AGAP1: variants seen among roughly 807,000 people sequenced by gnomAD.
AGAP1 encodes the protein arf-GAP with GTPase, ANK repeat and PH domain-containing protein 1.
In AGAP1, 29 loss-of-function variants were observed where a neutral mutation model predicts 105.3. The ratio of observed to expected loss-of-function variants is 0.28; its 90% CI spans 0.21 to 0.38. The LOEUF is 0.38. Among genes scored for constraint, AGAP1 ranks in the 10% least tolerant of loss-of-function variants. AGAP1 has a pLI of 1.00. For missense variants in AGAP1, 998 were observed against 1,165.1 expected (o/e 0.86, Z 2.09); for synonymous variants, 509 against 485.9 (o/e 1.05, Z -0.63).
chr2:235,917,124 T>C (rs1422076089), intron 11 of AGAP1, among the ~76,000 whole-genome samples: 1 of 152,202 alleles, frequency 6.6e-6, no homozygotes, highest in Non-Finnish European at 1.5e-5. Flanking sequence ...GATTGATGCT[T>C]AGACCTTTGT....
rs1328273377 is a variant in AGAP1 at position 235,725,631 on chromosome 2, AT to A, written c.310+7993del. 6.6e-6 allele frequency among the ~76,000 whole-genome samples: 1 copy of A among 152,154 alleles called. No individual in the cohort carries two copies. Among genetic ancestry groups the A allele is most frequent in the Admixed American group, 6.5e-5 (1 of 15,272 alleles). On this transcript the variant is annotated intron_variant, in intron 3 of 17. Transcript: ENST00000304032. The surrounding 1 kb of genome is among the most constrained non-coding windows in gnomAD (Gnocchi z 5.7). ...ACCAAGTGATTATAAACACATGATA[AT>A]TTTTTAATGAGAATTATCTGTAAAC...
chr2:235,702,140 T>C (rs528927214), intron 1 of AGAP1, among the ~76,000 whole-genome samples: 6 of 152,234 alleles, frequency 3.9e-5, no homozygotes, highest in African/African-American at 1.2e-4. Flanking sequence ...CCAAACAGAA[T>C]TGGGGGCTGG....
rs140884253 is a variant in AGAP1 at position 236,025,214 on chromosome 2, A to AAGTGAAAG, written c.1646-11346_1646-11339dup. On this transcript the variant is annotated intron_variant, in intron 13 of 17. Coordinates refer to ENST00000304032, the MANE Select transcript of AGAP1 (RefSeq NM_001037131.3). Reference sequence around the variant, plus strand: ...TGTATTAGTGAAATGACACCACTAAAAGTGAAAGCTCCGAACAGGGCATCC... The same window carrying AAGTGAAAG: ...TGTATTAGTGAAATGACACCACTAAAAGTGAAAGAGTGAAAGCTCCGAACAGGGCATCC... 2.1e-3 allele frequency among the ~76,000 whole-genome samples: 326 copies of AAGTGAAAG among 152,320 alleles called. 9 individuals carry two copies. In the East Asian group the frequency reaches 0.052, roughly 24 times the overall value.
intron 3 of AGAP1, chr2:235,718,439 G>C (rs893176717): frequency 1.0e-6 from 1 of 974,372 alleles, no homozygotes; most frequent in East Asian, 1.1e-4. Context: ...GTTTTGGAGA[G>C]AGAGGAAAGG....
chr2:235,606,836 C>G (rs988748032), intron 1 of AGAP1, among the ~76,000 whole-genome samples: 2 of 150,876 alleles, frequency 1.3e-5, no homozygotes, highest in African/African-American at 4.9e-5. Flanking sequence ...GCAGTCCCAG[C>G]TACTGAGGAG....
chr2:235,573,039 CTT>C (rs1944606114), intron 1 of AGAP1, among the ~76,000 whole-genome samples: 2 of 25,496 alleles, frequency 7.8e-5, no homozygotes, highest in South Asian at 2.0e-3. Flanking sequence ...TCTTCTTCTT[CTT>C]CTTCTTCTTC....
rs1312481812 is a variant in AGAP1 at position 235,705,687 on chromosome 2, T to C, written c.164-3492T>C. The stretch of plus-strand genomic sequence containing the variant: ...ACAGAGTTGATGAAAGTTTTTAAAA[T>C]AAATACTTTTTAATGGGAGATGAAG... On this transcript the variant is annotated intron_variant, in intron 1 of 17. Transcript: ENST00000304032. This position sits in a 1 kb window ranked among gnomAD's most constrained non-coding sequence, Gnocchi z 4.9. 6.6e-6 allele frequency among the ~76,000 whole-genome samples: 1 copy of C among 152,248 alleles called. No individual in the cohort carries two copies. Among genetic ancestry groups the C allele is most frequent in the Non-Finnish European group, 1.5e-5 (1 of 68,040 alleles).
chr2:236,024,724 C>T (rs922823060), intron 13 of AGAP1, among the ~76,000 whole-genome samples: 2 of 152,226 alleles, frequency 1.3e-5, no homozygotes, highest in Non-Finnish European at 2.9e-5. Flanking sequence ...GGCTGAGTTT[C>T]TTGCCCCTAA....
rs930486535 is a variant in AGAP1 at position 235,599,766 on chromosome 2, C to T, written c.163+104917C>T. Among the ~76,000 whole-genome samples the T allele has an allele frequency of 2.0e-5, 3 of 152,188 alleles. No homozygotes were observed. The highest frequency in any genetic ancestry group is 7.2e-5 in the African/African-American group (3 of 41,456). The stretch of plus-strand genomic sequence containing the variant: ...TCGCTGGCTCTCTAGGGCTTTTCCC[C>T]TCCAGGTTCAGAGAGAGCGCCTGCC... On this transcript the variant is annotated intron_variant, in intron 1 of 17. Transcript: ENST00000304032. This position sits in a 1 kb window ranked among gnomAD's most constrained non-coding sequence, Gnocchi z 5.3.
chr2:235,964,583 T>C lies in AGAP1; in HGVS notation c.1484-3879T>C, dbSNP rs530918501. On this transcript the variant is annotated intron_variant, in intron 12 of 17. Transcript: ENST00000304032. The surrounding 1 kb of genome is among the most constrained non-coding windows in gnomAD (Gnocchi z 4.6). ...GTTGCTTTAGAATCAGGTAATGATC[T>C]TGGGGTCTCTGGATGCCCCACCCCC... Among the ~76,000 whole-genome samples the C allele has an allele frequency of 9.2e-5, 14 of 152,348 alleles. No homozygotes were observed. The highest frequency in any genetic ancestry group is 3.4e-4 in the African/African-American group (14 of 41,582).
At chr2:235,603,778 A>G (rs13428785) in intron 1 of AGAP1, among the ~76,000 whole-genome samples, 10,237 of 152,196 alleles carry the variant, frequency 0.067, 995 homozygotes, top group African/African-American at 0.22. Context: ...ATATCTGTGA[A>G]GTCCTGCTTG....
chr2:235,882,040 G>T lies in AGAP1; in HGVS notation c.1051-1305G>T, dbSNP rs544859885. 4.6e-5 allele frequency among the ~76,000 whole-genome samples: 7 copies of T among 152,040 alleles called. No homozygotes were observed. The highest frequency in any genetic ancestry group is 7.4e-5 in the Non-Finnish European group (5 of 67,960). On this transcript the variant is annotated intron_variant, in intron 9 of 17. Transcript: ENST00000304032. The surrounding 1 kb of genome is among the most constrained non-coding windows in gnomAD (Gnocchi z 4.6). ...TTAATGCAGTTTGGGTTTTTCTGGG[G>T]TTTTTTTGTGGTTTTTGTTTTGTTT...
chr2:235,971,496 C>T lies in AGAP1; in HGVS notation c.1645+2873C>T, dbSNP rs1177945772. 6.6e-6 allele frequency among the ~76,000 whole-genome samples: 1 copy of T among 152,036 alleles called. No individual in the cohort carries two copies. Among genetic ancestry groups the T allele is most frequent in the African/African-American group, 2.4e-5 (1 of 41,416 alleles). ...CGGGCGGATCACGAGGTCAGGAGATCGAGACCATCCTGGCTAACACAATGA... is the reference window on the plus strand; with the variant it reads ...CGGGCGGATCACGAGGTCAGGAGATTGAGACCATCCTGGCTAACACAATGA... On this transcript the variant is annotated intron_variant, in intron 13 of 17. Coordinates refer to ENST00000304032, the MANE Select transcript of AGAP1 (RefSeq NM_001037131.3). The surrounding 1 kb of genome is among the most constrained non-coding windows in gnomAD (Gnocchi z 4.8).
chr2:236,065,530 C>A (rs991549570), intron 16 of AGAP1, among the ~76,000 whole-genome samples: 1 of 152,238 alleles, frequency 6.6e-6, no homozygotes, highest in South Asian at 2.1e-4. Flanking sequence ...GGAATAGGAA[C>A]AGTGTTCGGC....
In AGAP1 at chr2:235,728,744, G is replaced by A. The variant is rs1380293613; in HGVS notation, c.310+11100G>A. On this transcript the variant is annotated intron_variant, in intron 3 of 17. Transcript: ENST00000304032. The surrounding 1 kb of genome is among the most constrained non-coding windows in gnomAD (Gnocchi z 4.3). Reference sequence around the variant, plus strand: ...AGGAAAAAATCAACACTTGCTCTTTGAAGGCCAAATACATTGAAATGAAAG... The same window carrying A: ...AGGAAAAAATCAACACTTGCTCTTTAAAGGCCAAATACATTGAAATGAAAG... Among the ~76,000 whole-genome samples the A allele has an allele frequency of 2.6e-5, 4 of 152,162 alleles. No individual in the cohort carries two copies. Among genetic ancestry groups the A allele is most frequent in the Non-Finnish European group, 4.4e-5 (3 of 68,036 alleles).
chr2:235,619,596 T>C (rs1030486715), intron 1 of AGAP1, among the ~76,000 whole-genome samples: 1 of 151,990 alleles, frequency 6.6e-6, no homozygotes, highest in African/African-American at 2.4e-5. Context: ...GGATCTAGAG[T>C]GCAGTCTCTG....
intron 1 of AGAP1, among the ~76,000 whole-genome samples, chr2:235,646,981 A>G (rs539526890): frequency 4.8e-4 from 72 of 150,332 alleles, no homozygotes; most frequent in African/African-American, 1.7e-3. Context: ...TAAAAAATAC[A>G]AAAAATTAGC....
intron 10 of AGAP1, among the ~76,000 whole-genome samples, chr2:235,886,045 C>T (rs1314259496): frequency 6.6e-6 from 1 of 152,152 alleles, no homozygotes; most frequent in African/African-American, 2.4e-5. Context: ...TGTAGGTCTC[C>T]AGTTCTGCAG....
rs2054665629 is a variant in AGAP1, at chr2:235,971,917, C to CTG, written c.1645+3294_1645+3295insTG. 6.6e-6 allele frequency among the ~76,000 whole-genome samples: 1 copy of CTG among 151,728 alleles called. No homozygotes were observed. Among genetic ancestry groups the CTG allele is most frequent in the Admixed American group, 6.6e-5 (1 of 15,238 alleles). On this transcript the variant is annotated intron_variant, in intron 13 of 17. Coordinates refer to ENST00000304032, the MANE Select transcript of AGAP1 (RefSeq NM_001037131.3). This position sits in a 1 kb window ranked among gnomAD's most constrained non-coding sequence, Gnocchi z 4.8. ...CCTCAGCCTCCCAAGTAGCTGGGACCACAGGCAGGCACCACGACACCTGGC... is the reference window on the plus strand; with the variant it reads ...CCTCAGCCTCCCAAGTAGCTGGGACCTGACAGGCAGGCACCACGACACCTGGC...
Sources: allele counts gnomAD v4.1 joint callset (sites outside exome capture counted in the v4.1 genomes callset), GRCh38; gene constraint gnomAD v4.1.1; non-coding constraint Gnocchi (gnomAD v3.1); transcripts MANE v1.5; gene names NCBI Gene and HGNC (gene_info 2026-07-23, HGNC 2026-07-21).